Variants in ZNF804B observed in about 807,000 individuals in gnomAD.
The protein encoded by ZNF804B is zinc finger 804B.
A neutral mutation model predicts 101.4 loss-of-function variants in ZNF804B; 80 were observed. The ratio of observed to expected loss-of-function variants is 0.79; its 90% CI spans 0.66 to 0.95. The LOEUF is 0.95. ZNF804B is among the 40% of genes least tolerant of loss of function. ZNF804B has a pLI of 0.00. For synonymous variants in ZNF804B, 622 were observed against 558.8 expected, an observed-to-expected ratio of 1.11 and a Z score of -1.59; for missense variants, 1,673 against 1,561.9, an observed-to-expected ratio of 1.07 and a Z score of -1.20.
In ZNF804B at chr7:89,151,700, G is replaced by GAA. The variant is rs35294486; in HGVS notation, c.109-66445_109-66444dup. 2.6e-4 allele frequency among the ~76,000 whole-genome samples: 39 copies of GAA among 148,814 alleles called. No homozygotes were observed. The South Asian group carries it at 3.0e-3, about 11-fold the overall frequency. Reference sequence around the variant, plus strand: ...CTAAGTAAACTTCTTCAGATCTCCTGAAAAAAAAAAATAATTTTCCTGAAA... The same window carrying GAA: ...CTAAGTAAACTTCTTCAGATCTCCTGAAAAAAAAAAAAATAATTTTCCTGAAA... On this transcript the variant is annotated intron_variant, in intron 1 of 3. Coordinates refer to ENST00000333190, the MANE Select transcript of ZNF804B (RefSeq NM_181646.5).
intron 1 of ZNF804B, among the ~76,000 whole-genome samples, chr7:89,098,275 T>C (rs1176142554): frequency 1.4e-5 from 2 of 139,738 alleles, no homozygotes; most frequent in African/African-American, 5.0e-5. Context: ...CATCATAATT[T>C]TTTTTTTTTT....
intron 1 of ZNF804B, among the ~76,000 whole-genome samples, chr7:88,933,319 AC>A (rs985780427): frequency 1.1e-4 from 17 of 151,832 alleles, no homozygotes; most frequent in African/African-American, 4.1e-4. Context: ...GACATATATG[AC>A]AAACCAACAT....
intron 2 of ZNF804B, among the ~76,000 whole-genome samples, chr7:89,319,144 T>C (rs1157684517): frequency 6.6e-6 from 1 of 152,132 alleles, no homozygotes; most frequent in East Asian, 1.9e-4. Flanking sequence ...ACCTTCCAGC[T>C]TGGGCATTAG....
chr7:88,883,931 A>G (rs538212007), intron 1 of ZNF804B, among the ~76,000 whole-genome samples: 32 of 152,060 alleles, frequency 2.1e-4, no homozygotes, highest in Non-Finnish European at 3.8e-4. Context: ...CAATAACATT[A>G]TAGGTTACAG....
chr7:89,028,356 A>G (rs1254749250), intron 1 of ZNF804B, among the ~76,000 whole-genome samples: 1 of 152,186 alleles, frequency 6.6e-6, no homozygotes, highest in African/African-American at 2.4e-5. Flanking sequence ...GATAGAAAAC[A>G]TTAAAATGGC....
At chr7:89,047,791 G>A (rs1211385712) in intron 1 of ZNF804B, among the ~76,000 whole-genome samples, 2 of 152,040 alleles carry the variant, frequency 1.3e-5, no homozygotes, top group Non-Finnish European at 2.9e-5. Context: ...ACTGCACTGT[G>A]CATTCTCTCT....
intron 2 of ZNF804B, among the ~76,000 whole-genome samples, chr7:89,244,602 T>C (rs1789415524): frequency 6.6e-6 from 1 of 152,158 alleles, no homozygotes; most frequent in African/African-American, 2.4e-5. Context: ...TAAAGAATTT[T>C]GTATTATCCT....
intron 1 of ZNF804B, among the ~76,000 whole-genome samples, chr7:88,918,085 A>T (rs965075715): frequency 6.6e-6 from 1 of 152,208 alleles, no homozygotes; most frequent in Non-Finnish European, 1.5e-5. Context: ...ATAATCTCTC[A>T]TGGAAAGATA....
At chr7:89,132,337 GC>G (rs1231729851) in intron 1 of ZNF804B, among the ~76,000 whole-genome samples, 2 of 151,922 alleles carry the variant, frequency 1.3e-5, no homozygotes, top group African/African-American at 4.8e-5. Flanking sequence ...AAACAAAGAC[GC>G]TATCTTGAAG....
intron 1 of ZNF804B, among the ~76,000 whole-genome samples, chr7:89,073,634 C>A (rs987194807): frequency 2.0e-5 from 3 of 151,768 alleles, no homozygotes; most frequent in Non-Finnish European, 4.4e-5. Context: ...TTGTTTTATA[C>A]CACCTTCAAT....
intron 1 of ZNF804B, among the ~76,000 whole-genome samples, chr7:89,072,002 A>G (rs1789549429): frequency 6.6e-6 from 1 of 152,194 alleles, no homozygotes; most frequent in African/African-American, 2.4e-5. Flanking sequence ...TAAAAATGGG[A>G]AAGAGAAGCT....
At chr7:89,322,322 C>T (rs1023778850) in intron 2 of ZNF804B, among the ~76,000 whole-genome samples, 4 of 152,088 alleles carry the variant, frequency 2.6e-5, no homozygotes, top group African/African-American at 9.7e-5. Context: ...TCAGTATAAA[C>T]GTTTCTACAA....
chr7:89,256,735 T>C (rs1283788715), intron 2 of ZNF804B, among the ~76,000 whole-genome samples: 2 of 152,160 alleles, frequency 1.3e-5, no homozygotes, highest in African/African-American at 4.8e-5. Flanking sequence ...CATCTAGGCT[T>C]GCTCATAGGT....
intron 1 of ZNF804B, among the ~76,000 whole-genome samples, chr7:89,158,118 G>T (rs1269620791): frequency 2.0e-5 from 3 of 152,054 alleles, no homozygotes; most frequent in African/African-American, 7.2e-5. Flanking sequence ...ACAAAAGGAT[G>T]CATCTCAACA....
intron 1 of ZNF804B, among the ~76,000 whole-genome samples, chr7:88,902,885 C>A (rs1416717358): frequency 2.0e-5 from 3 of 151,962 alleles, no homozygotes; most frequent in African/African-American, 7.2e-5. Context: ...TAAAACTATG[C>A]AAATTTTCTG....
At chr7:88,856,858 A>G (rs1406571958) in intron 1 of ZNF804B, among the ~76,000 whole-genome samples, 2 of 152,204 alleles carry the variant, frequency 1.3e-5, no homozygotes, top group Admixed American at 6.5e-5. Context: ...GCATCTATTG[A>G]GATAATCGTA....
chr7:89,229,738 T>C (rs2115735254), intron 2 of ZNF804B, among the ~76,000 whole-genome samples: 1 of 152,292 alleles, frequency 6.6e-6, no homozygotes, highest in Middle Eastern at 3.4e-3. Context: ...TATAGAATAC[T>C]TCATCCAACA....
intron 1 of ZNF804B, among the ~76,000 whole-genome samples, chr7:88,970,833 G>T (rs1359692117): frequency 1.7e-5 from 2 of 114,512 alleles, no homozygotes; most frequent in Middle Eastern, 5.2e-3. Flanking sequence ...TGGGGGGAGG[G>T]GGGAGGGATA....
At chr7:89,021,997 T>C (rs907213379) in intron 1 of ZNF804B, among the ~76,000 whole-genome samples, 6 of 152,160 alleles carry the variant, frequency 3.9e-5, no homozygotes, top group African/African-American at 1.4e-4. Context: ...GATTCTCCTG[T>C]AGTAAGGACT....
Sources: gnomAD v4.1 joint callset for allele counts (sites outside exome capture counted in the v4.1 genomes callset) on GRCh38, gnomAD v4.1.1 for gene constraint, MANE v1.5 for transcripts, NCBI Gene and HGNC (gene_info 2026-07-23, HGNC 2026-07-21) for gene names.